Variants in NEURL1 observed in about 807,000 individuals in gnomAD.
NEURL1 encodes neuralized E3 ubiquitin protein ligase 1.
Under a neutral mutation model 41.2 loss-of-function variants are expected in NEURL1, and 26 were observed. That is an observed-to-expected ratio of 0.63 (90% CI 0.46 to 0.87). The LOEUF is 0.87. NEURL1 is among the 40% of genes least tolerant of loss of function. The pLI is 0.00. For synonymous variants in NEURL1, 400 were observed against 402.3 expected (o/e 0.99, Z 0.07); for missense variants, 761 against 871.1 (o/e 0.87, Z 1.59).
intron 1 of NEURL1, among the ~76,000 whole-genome samples, chr10:103,539,397 T>C (rs1009906112): frequency 1.3e-5 from 2 of 152,262 alleles, no homozygotes; most frequent in Non-Finnish European, 2.9e-5. Flanking sequence ...CTATTAGATA[T>C]GTGCTTTGCA....
intron 1 of NEURL1, among the ~76,000 whole-genome samples, chr10:103,503,592 G>A (rs1429562687): frequency 6.6e-6 from 1 of 152,132 alleles, no homozygotes; most frequent in African/African-American, 2.4e-5. Context: ...TCAGCTGAGG[G>A]CCATCAGCCG....
At chr10:103,511,716 G>A (rs908917217) in intron 1 of NEURL1, 5 of 152,380 alleles carry the variant, frequency 3.3e-5, no homozygotes, top group Admixed American at 3.3e-4. Flanking sequence ...GGCTTCTGCT[G>A]TCCCTCTCTG....
At chr10:103,571,349 T>A (rs2035540177) in intron 2 of NEURL1, 152 bp from the exon 3 acceptor site, 2 of 961,804 alleles carry the variant, frequency 2.1e-6, no homozygotes, top group East Asian at 5.3e-5. Flanking sequence ...CCTTGCTGTC[T>A]TCCCAGCAGG....
chr10:103,509,926 G>A (rs985198060), intron 1 of NEURL1, among the ~76,000 whole-genome samples: 1 of 152,138 alleles, frequency 6.6e-6, no homozygotes, highest in Non-Finnish European at 1.5e-5. Context: ...ATTTGTGATT[G>A]TGTTTCAGTC....
chr10:103,513,926 G>C (rs1437507169), intron 1 of NEURL1, among the ~76,000 whole-genome samples: 1 of 151,800 alleles, frequency 6.6e-6, no homozygotes, highest in African/African-American at 2.4e-5. Flanking sequence ...GAGAGGGAGA[G>C]GTGTCCAAGA....
At chr10:103,565,570 G>C (rs550474873) in intron 1 of NEURL1, among the ~76,000 whole-genome samples, 19 of 152,250 alleles carry the variant, frequency 1.2e-4, no homozygotes, top group Non-Finnish European at 2.8e-4. Flanking sequence ...GCTGATGGGG[G>C]TGCCGTGGTG....
At chr10:103,526,424 C>A (rs1402570989) in intron 1 of NEURL1, among the ~76,000 whole-genome samples, 1 of 152,030 alleles carries the variant, frequency 6.6e-6, no homozygotes, top group Admixed American at 6.6e-5. Flanking sequence ...TGGAACTGGT[C>A]TGTTCTGGTT....
intron 1 of NEURL1, among the ~76,000 whole-genome samples, chr10:103,531,405 T>A (rs1428108223): frequency 2.0e-5 from 3 of 152,166 alleles, no homozygotes; most frequent in African/African-American, 7.2e-5. Flanking sequence ...TGAAACATTT[T>A]TATTTTTTTT....
intron 1 of NEURL1, among the ~76,000 whole-genome samples, chr10:103,562,344 C>G (rs1037539869): frequency 2.0e-5 from 3 of 152,160 alleles, no homozygotes; most frequent in African/African-American, 7.2e-5. Context: ...GATCACGCCA[C>G]GACTCTCCAC....
At chr10:103,531,809 T>C (rs988918995) in intron 1 of NEURL1, among the ~76,000 whole-genome samples, 1 of 152,200 alleles carries the variant, frequency 6.6e-6, no homozygotes, top group African/African-American at 2.4e-5. Context: ...CATGAGCCAC[T>C]GTGCCTGGCC....
intron 1 of NEURL1, among the ~76,000 whole-genome samples, chr10:103,519,133 G>C (rs2034285113): frequency 6.6e-6 from 1 of 152,058 alleles, no homozygotes; most frequent in Non-Finnish European, 1.5e-5. Context: ...TGTAATCCCA[G>C]CTACTCGGGA....
intron 1 of NEURL1, chr10:103,550,631 T>C (rs11817727): frequency 0.49 from 74,818 of 152,180 alleles, 20,990 homozygotes; most frequent in African/African-American, 0.78. Context: ...ACCTTCTGTC[T>C]TCTGGAAAAC....
At chr10:103,501,831 G>A (rs1367785353) in intron 1 of NEURL1, among the ~76,000 whole-genome samples, 2 of 151,686 alleles carry the variant, frequency 1.3e-5, no homozygotes, top group African/African-American at 4.9e-5. Flanking sequence ...ACAGAGTTTT[G>A]CCATGTTGGC....
At chr10:103,537,380 C>T (rs371086987) in intron 1 of NEURL1, among the ~76,000 whole-genome samples, 17 of 151,836 alleles carry the variant, frequency 1.1e-4, no homozygotes, top group African/African-American at 4.1e-4. Flanking sequence ...ACTTTTTTCC[C>T]CCTACTCCCT....
At chr10:103,535,538 C>T (rs1051241610) in intron 1 of NEURL1, among the ~76,000 whole-genome samples, 1 of 152,146 alleles carries the variant, frequency 6.6e-6, no homozygotes, top group African/African-American at 2.4e-5. Flanking sequence ...TGCAGAGCAC[C>T]ACTTTAGCTT....
intron 1 of NEURL1, among the ~76,000 whole-genome samples, chr10:103,505,332 C>G (rs114011803): frequency 0.046 from 6,924 of 151,372 alleles, 145 homozygotes; most frequent in African/African-American, 0.063. Context: ...AAGCAATTCT[C>G]TCTGCCTCAG....
chr10:103,542,039 C>A (rs542185020), intron 1 of NEURL1, among the ~76,000 whole-genome samples: 1 of 152,288 alleles, frequency 6.6e-6, no homozygotes, highest in Admixed American at 6.5e-5. Flanking sequence ...GGGGTTCCAG[C>A]ACATTTCCCA....
Position 103,558,269 on chromosome 10 carries a change from A to G in NEURL1, c.86-12603A>G, listed in dbSNP as rs1241150799. The stretch of plus-strand genomic sequence containing the variant: ...TTAAAGTGAGTGAGGGGAGGGTGAC[A>G]GGAGGACCCAGGACTCTGTATGTGT... On this transcript the variant is annotated intron_variant, in intron 1 of 5. Coordinates refer to ENST00000369780, the MANE Select transcript of NEURL1 (RefSeq NM_004210.5). This position sits in a 1 kb window ranked among gnomAD's most constrained non-coding sequence, Gnocchi z 4.2. 4 of 984,464 alleles carry G rather than the reference A, an allele frequency of 4.1e-6. No homozygotes were observed. The highest frequency in any genetic ancestry group is 3.5e-5 in the African/African-American group (2 of 57,126). The allele number at this position is 984,464 out of a possible 1,614,324, so 61.0% of individuals were successfully genotyped here.
chr10:103,503,876 AC>A (rs1455171933), intron 1 of NEURL1, among the ~76,000 whole-genome samples: 2 of 133,136 alleles, frequency 1.5e-5, no homozygotes, highest in African/African-American at 2.9e-5. Flanking sequence ...CTGCAGCCTC[AC>A]CCCCCGGGCT....
Sources: gnomAD v4.1 joint callset for allele counts (sites outside exome capture counted in the v4.1 genomes callset) on GRCh38, gnomAD v4.1.1 for gene constraint, Gnocchi (gnomAD v3.1) non-coding constraint, MANE v1.5 for transcripts, NCBI Gene and HGNC (gene_info 2026-07-23, HGNC 2026-07-21) for gene names.